Variants in NAALAD2 observed in about 807,000 individuals in gnomAD.
The protein encoded by NAALAD2 is N-acetylated-alpha-linked acidic dipeptidase 2.
In NAALAD2, 89 loss-of-function variants were observed where a neutral mutation model predicts 95.6. That is an observed-to-expected ratio of 0.93 (90% CI 0.78 to 1.11). The LOEUF is 1.11. Among genes scored for constraint, NAALAD2 ranks in the 50% least tolerant of loss-of-function variants. The pLI is 0.00. For synonymous variants in NAALAD2, 264 were observed against 294.4 expected, an observed-to-expected ratio of 0.90 and a Z score of 1.06; for missense variants, 894 against 872.4, an observed-to-expected ratio of 1.02 and a Z score of -0.31.
At chr11:90,159,142 T>TC in intron 7 of NAALAD2, 97 bp from the exon 8 acceptor site, 1 of 927,556 alleles carries the variant, frequency 1.1e-6, no homozygotes, top group Non-Finnish European at 1.7e-6. Context: ...GACAAATATT[T>TC]GTTATATATA....
chr11:90,135,582 G>C lies in NAALAD2; in HGVS notation c.106G>C (p.Glu36Gln). 1 of 1,610,730 alleles carries C rather than the reference G, an allele frequency of 6.2e-7. No individual in the cohort carries two copies. The highest frequency in any genetic ancestry group is 8.5e-7 in the Non-Finnish European group (1 of 1,178,228). ...MVGWFIKPLKETTTSVRYHQS... is the reference protein window; with the variant it reads ...MVGWFIKPLKQTTTSVRYHQS... ...AGGCTGGTTTATTAAGCCTCTCAAAGAAACGACCACTTCTGTGCGCTATCA... is the reference window on the plus strand; with the variant it reads ...AGGCTGGTTTATTAAGCCTCTCAAACAAACGACCACTTCTGTGCGCTATCA... Residue 36 changes from glutamate to glutamine, a missense_variant, in exon 2 of 19, where the codon GAA (glutamate) becomes CAA (glutamine). Glu to Gln is a conservative substitution (Grantham distance 29). Transcript: ENST00000534061.
chr11:90,184,970 G>A (rs973572054), intron 18 of NAALAD2, among the ~76,000 whole-genome samples: 3 of 152,014 alleles, frequency 2.0e-5, no homozygotes, highest in Non-Finnish European at 4.4e-5. Context: ...ATTGTATTAG[G>A]TGCTGTAAGC....
At chr11:90,131,850 C>G (rs1241120599), upstream of NAALAD2, 1 of 152,140 alleles carries the variant, frequency 6.6e-6, no homozygotes, top group Non-Finnish European at 1.5e-5. Flanking sequence ...CTCACTGAAT[C>G]ATGAGCAGGT....
chr11:90,187,921 A>G (rs1001445649), intron 18 of NAALAD2, among the ~76,000 whole-genome samples: 1 of 152,180 alleles, frequency 6.6e-6, no homozygotes, highest in East Asian at 1.9e-4. Flanking sequence ...ACATTAGCCA[A>G]ATTATATTTA....
intron 8 of NAALAD2, among the ~76,000 whole-genome samples, chr11:90,160,740 C>T (rs1233806122): frequency 2.0e-5 from 3 of 152,104 alleles, no homozygotes; most frequent in Admixed American, 2.0e-4. Context: ...TTCAGTTCTA[C>T]AATTTTAGTC....
intron 16 of NAALAD2, among the ~76,000 whole-genome samples, chr11:90,180,520 G>T (rs1287963961): frequency 6.6e-6 from 1 of 151,946 alleles, no homozygotes; most frequent in East Asian, 1.9e-4. Context: ...TATTAGGTCA[G>T]ACCTAATAGA....
At chr11:90,153,330 T>C (rs935167373) in intron 6 of NAALAD2, among the ~76,000 whole-genome samples, 2 of 152,176 alleles carry the variant, frequency 1.3e-5, no homozygotes, top group Non-Finnish European at 2.9e-5. Context: ...CTGAATATTA[T>C]GGTTAGTTGG....
chr11:90,148,246 G>T (rs1245838283), intron 3 of NAALAD2, among the ~76,000 whole-genome samples: 1 of 152,152 alleles, frequency 6.6e-6, no homozygotes, highest in African/African-American at 2.4e-5. Flanking sequence ...CCAGGTAAAA[G>T]ATAATAAAGT....
Position 90,152,339 on chromosome 11 carries a change from G to A in NAALAD2, c.651G>A (p.Leu217=), listed in dbSNP as rs545034883. 3 of 1,612,244 alleles carry A rather than the reference G, an allele frequency of 1.9e-6. No homozygotes were observed. The highest frequency in any genetic ancestry group is 2.2e-5 in the South Asian group (2 of 90,876). Residue 217 remains leucine, a synonymous_variant, in exon 6 of 19, where the codon TTG becomes TTA. Transcript: ENST00000534061. ...AMLAGAIGII[L]YSDPADYFAP... is the part of the protein sequence containing the mutation. ...TAGCAGGAGCCATAGGAATCATCTT[G>A]TACTCAGATCCAGCTGACTACTTTG...
rs764953478 is a variant in NAALAD2, at chr11:90,181,671, A to T, written c.1910A>T (p.His637Leu). The T allele has an allele frequency of 1.2e-6, 2 of 1,606,572 alleles. No individual in the cohort carries two copies. Among genetic ancestry groups the T allele is most frequent in the East Asian group, 4.5e-5 (2 of 44,764 alleles). ...TTCTCAGAGGCTGCTTCAGATTTTC[A>T]TAAACGACTTATACAAGTTGATCTT... ...KNFSEAASDF[H>L]KRLIQVDLNN... Residue 637 changes from histidine to leucine, a missense_variant, in exon 17 of 19, where the codon CAT becomes CTT. Physicochemically the swap from His to Leu is moderately conservative, Grantham distance 99. Coordinates refer to ENST00000534061, the MANE Select transcript of NAALAD2 (RefSeq NM_005467.4).
At chr11:90,171,315 C>G (rs1362935114) in intron 13 of NAALAD2, among the ~76,000 whole-genome samples, 2 of 152,166 alleles carry the variant, frequency 1.3e-5, no homozygotes, top group Admixed American at 6.5e-5. Flanking sequence ...TCTTACCCCT[C>G]TCTTTTTCAT....
Position 90,159,293 on chromosome 11 carries a change from G to C in NAALAD2, c.945G>C (p.Val315=). The C allele has an allele frequency of 1.2e-6, 2 of 1,613,906 alleles. No homozygotes were observed. ...AGAGTTGGAAGGGAGCCCTTAATGT[G>C]AGTTATAGTATCGGACCTGGCTTTA... ...PDKSWKGALN[V]SYSIGPGFTG... The change falls in exon 8 of 19, where the codon GTG becomes GTC. Residue 315 remains valine (V), a synonymous_variant. Transcript: ENST00000534061.
intron 18 of NAALAD2, among the ~76,000 whole-genome samples, chr11:90,184,695 C>T (rs1003234040): frequency 1.3e-5 from 2 of 151,866 alleles, no homozygotes; most frequent in African/African-American, 4.8e-5. Flanking sequence ...TCAGCATTCC[C>T]CCCTTGCCCC....
Position 90,176,046 on chromosome 11 carries a change from G to C in NAALAD2, c.1577G>C (p.Arg526Pro). Residue 526 changes from arginine to proline, a missense_variant, in exon 15 of 19, where the codon CGT (arginine) becomes CCT (proline). Transcript: ENST00000534061. Reference protein sequence around the residue: ...QRLGIASGRARYTKNKKTDKY... With the variant: ...QRLGIASGRAPYTKNKKTDKY... Reference sequence around the variant, plus strand: ...CTTGGAATTGCTTCAGGCAGAGCCCGTTACACTAAGAATAAGGTAAGCCAT... The same window carrying C: ...CTTGGAATTGCTTCAGGCAGAGCCCCTTACACTAAGAATAAGGTAAGCCAT... 6.2e-7 allele frequency: 1 copy of C among 1,613,092 alleles called. No individual in the cohort carries two copies. Among genetic ancestry groups the C allele is most frequent in the African/African-American group, 1.3e-5 (1 of 74,948 alleles).
At chr11:90,172,686 C>G (rs1269936747) in intron 13 of NAALAD2, among the ~76,000 whole-genome samples, 1 of 151,766 alleles carries the variant, frequency 6.6e-6, no homozygotes, top group African/African-American at 2.4e-5. Flanking sequence ...TGTGTGTATC[C>G]CCAATTAGAT....
intron 18 of NAALAD2, among the ~76,000 whole-genome samples, chr11:90,188,958 CAA>C (rs1857243273): frequency 6.6e-6 from 1 of 152,042 alleles, no homozygotes; most frequent in African/African-American, 2.4e-5. Flanking sequence ...GGTTACATGA[CAA>C]AGAGGAATTA....
chr11:90,140,492 G>T (rs936752017), intron 2 of NAALAD2, among the ~76,000 whole-genome samples: 1 of 149,898 alleles, frequency 6.7e-6, no homozygotes, highest in African/African-American at 2.5e-5. Context: ...TCATTTATGA[G>T]TTTTTTTTAA....
At chr11:90,177,647 T>C (rs1257567378) in intron 15 of NAALAD2, among the ~76,000 whole-genome samples, 1 of 103,896 alleles carries the variant, frequency 9.6e-6, no homozygotes, top group Non-Finnish European at 1.8e-5. Flanking sequence ...GAGACAGGGT[T>C]TCTCCATGTT....
chr11:90,151,304 G>C (rs922297295), intron 5 of NAALAD2, among the ~76,000 whole-genome samples: 2 of 152,056 alleles, frequency 1.3e-5, no homozygotes, highest in Non-Finnish European at 2.9e-5. Context: ...GAAAGTGGCT[G>C]GTACTTAGTA....
Sources: allele counts gnomAD v4.1 joint callset (sites outside exome capture counted in the v4.1 genomes callset), GRCh38; gene constraint gnomAD v4.1.1; transcripts MANE v1.5; gene names NCBI Gene and HGNC (gene_info 2026-07-23, HGNC 2026-07-21).